CECR2: variants seen among roughly 807,000 people sequenced by gnomAD.
CECR2 encodes the protein CECR2 histone acetyl-lysine reader, also known as chromatin remodeling regulator CECR2.
In CECR2, 30 loss-of-function variants were observed where a neutral mutation model predicts 154.5. The ratio of observed to expected loss-of-function variants is 0.19; its 90% CI spans 0.15 to 0.26. The LOEUF is 0.26. Among genes scored for constraint, CECR2 ranks in the 10% least tolerant of loss-of-function variants. The pLI is 1.00. For missense variants in CECR2, 1,743 were observed against 1,829.3 expected, an observed-to-expected ratio of 0.95 and a Z score of 0.86; for synonymous variants, 725 against 683.7, an observed-to-expected ratio of 1.06 and a Z score of -0.94.
rs186456746 is a variant in CECR2, at chr22:17,382,133, G to A, written c.126+12224G>A. On this transcript the variant is annotated intron_variant, in intron 1 of 18. Transcript: ENST00000262608. ...TCTTGATCTCCTGACCTTGTGATCC[G>A]CCCGCCTTGGCCTCCCAAAGTGCTG... Among the ~76,000 whole-genome samples, 910 of 151,360 alleles carry A rather than the reference G, an allele frequency of 6.0e-3. 9 individuals carry two copies. The highest frequency in any genetic ancestry group is 0.02 in the African/African-American group (815 of 41,168).
chr22:17,544,005 C>A (rs904625682), intron 16 of CECR2, among the ~76,000 whole-genome samples: 3 of 152,140 alleles, frequency 2.0e-5, no homozygotes, highest in Non-Finnish European at 2.9e-5. Context: ...GAGATTTGGG[C>A]CCAGACAGAC....
chr22:17,454,512 G>GGA (rs2054822879), intron 1 of CECR2, among the ~76,000 whole-genome samples: 1 of 151,908 alleles, frequency 6.6e-6, no homozygotes. Flanking sequence ...AGCTGAGGCA[G>GGA]GAGAATGGCA....
Position 17,381,891 on chromosome 22 carries a change from T to G in CECR2, c.126+11982T>G, listed in dbSNP as rs549860415. Among the ~76,000 whole-genome samples the G allele has an allele frequency of 3.4e-5, 5 of 148,414 alleles. No homozygotes were observed. In the East Asian group the frequency reaches 1.0e-3, roughly 31 times the overall value. ...AGGTCAGAGAGCCCCCACATTTTTT[T>G]TTTTTGTTTTTTTTGAGACGGAGTC... On this transcript the variant is annotated intron_variant, in intron 1 of 18. Transcript: ENST00000262608.
chr22:17,412,777 C>T (rs2054086352), intron 1 of CECR2, among the ~76,000 whole-genome samples: 1 of 151,892 alleles, frequency 6.6e-6, no homozygotes, highest in African/African-American at 2.4e-5. Context: ...GGCGGGCGGC[C>T]TTCTGGGTGA....
chr22:17,427,545 C>T (rs993341104), intron 1 of CECR2, among the ~76,000 whole-genome samples: 2 of 151,982 alleles, frequency 1.3e-5, no homozygotes, highest in African/African-American at 4.8e-5. Flanking sequence ...TTTGTGGTCT[C>T]GCTGACTTTA....
intron 13 of CECR2, 114 bp downstream of exon 13, chr22:17,539,233 G>T (rs1837444963): frequency 1.7e-6 from 2 of 1,210,766 alleles, no homozygotes; most frequent in Non-Finnish European, 2.3e-6. Flanking sequence ...AACAGAATGT[G>T]TATGAAAAGT....
chr22:17,523,107 G>A (rs1462664892), intron 8 of CECR2, among the ~76,000 whole-genome samples: 4 of 151,920 alleles, frequency 2.6e-5, no homozygotes, highest in Non-Finnish European at 5.9e-5. Flanking sequence ...GTGTTTTTGA[G>A]ATAGGGTCTA....
chr22:17,470,765 C>T (rs1240848201), intron 1 of CECR2, among the ~76,000 whole-genome samples: 1 of 152,188 alleles, frequency 6.6e-6, no homozygotes, highest in Non-Finnish European at 1.5e-5. Flanking sequence ...GCACTGGCCC[C>T]GTCACCTCTT....
chr22:17,492,816 A>T (rs993232336), intron 2 of CECR2, among the ~76,000 whole-genome samples: 9 of 152,186 alleles, frequency 5.9e-5, no homozygotes, highest in Non-Finnish European at 1.3e-4. Flanking sequence ...AGAATTACTA[A>T]GTCATTAAGA....
chr22:17,429,948 G>C (rs530844587), intron 1 of CECR2, among the ~76,000 whole-genome samples: 5 of 152,246 alleles, frequency 3.3e-5, no homozygotes, highest in South Asian at 4.1e-4. Context: ...GTTTAGTTAC[G>C]ACAAAGAGGA....
intron 2 of CECR2, among the ~76,000 whole-genome samples, chr22:17,479,785 T>G (rs1011222886): frequency 1.6e-4 from 22 of 135,664 alleles, no homozygotes; most frequent in East Asian, 6.1e-4. Context: ...TTTTTTTTTT[T>G]GGGACAGGGT....
chr22:17,448,459 C>T (rs1417456653), intron 1 of CECR2, among the ~76,000 whole-genome samples: 3 of 152,142 alleles, frequency 2.0e-5, no homozygotes, highest in African/African-American at 4.8e-5. Context: ...CAGTAGTTGC[C>T]TCCATTTGTT....
At chr22:17,453,023 A>C (rs1286248635) in intron 1 of CECR2, among the ~76,000 whole-genome samples, 1 of 152,184 alleles carries the variant, frequency 6.6e-6, no homozygotes, top group African/African-American at 2.4e-5. Flanking sequence ...TGTTTATCGG[A>C]TATTTATTGA....
intron 1 of CECR2, among the ~76,000 whole-genome samples, chr22:17,430,969 A>AGTTCTT (rs1489876937): frequency 1.3e-5 from 2 of 152,204 alleles, no homozygotes; most frequent in African/African-American, 4.8e-5. Flanking sequence ...CTCGTCTGTG[A>AGTTCTT]GTGCCCTGTC....
intron 1 of CECR2, among the ~76,000 whole-genome samples, chr22:17,362,901 CAAAAA>C (rs372498587): frequency 2.4e-5 from 2 of 82,144 alleles, no homozygotes; most frequent in South Asian, 4.3e-4. Context: ...AACTCCGTCT[CAAAAA>C]AAAAAAAAAA....
intron 1 of CECR2, among the ~76,000 whole-genome samples, chr22:17,445,750 G>A (rs963322848): frequency 1.3e-5 from 2 of 151,668 alleles, no homozygotes; most frequent in African/African-American, 4.8e-5. Context: ...GCACCACCAT[G>A]CCTGGCTAAT....
At chr22:17,410,184 G>C (rs1472667745) in intron 1 of CECR2, among the ~76,000 whole-genome samples, 1 of 151,852 alleles carries the variant, frequency 6.6e-6, no homozygotes. Flanking sequence ...TTTTCACCAT[G>C]TTGGCCAGGG....
chr22:17,418,502 G>A (rs1174194995), intron 1 of CECR2, among the ~76,000 whole-genome samples: 8 of 152,172 alleles, frequency 5.3e-5, no homozygotes, highest in African/African-American at 1.9e-4. Flanking sequence ...ACTTGTATCC[G>A]TTCACATACT....
intron 9 of CECR2, among the ~76,000 whole-genome samples, chr22:17,524,692 CTT>C (rs1188195849): frequency 3.3e-3 from 147 of 44,296 alleles, no homozygotes; most frequent in Non-Finnish European, 4.2e-3. Context: ...ATGCCTGGCC[CTT>C]TTTTTTTTTT....
Sources: allele counts gnomAD v4.1 joint callset (sites outside exome capture counted in the v4.1 genomes callset), GRCh38; gene constraint gnomAD v4.1.1; transcripts MANE v1.5; gene names NCBI Gene and HGNC (gene_info 2026-07-23, HGNC 2026-07-21).